PALM: variants seen among roughly 807,000 people sequenced by gnomAD.
PALM encodes the protein paralemmin.
In PALM, 18 loss-of-function variants were observed where a neutral mutation model predicts 30.7. That is an observed-to-expected ratio of 0.59 (90% CI 0.41 to 0.87). The LOEUF (loss-of-function observed/expected upper bound fraction) is 0.87, where lower values mean the gene tolerates loss of function less well. PALM is among the 40% of genes least tolerant of loss of function. The pLI is 0.00. For synonymous variants in PALM, 286 were observed against 242.8 expected (o/e 1.18, Z -1.66); for missense variants, 529 against 555.4 (o/e 0.95, Z 0.48).
chr19:710,011 T>G (rs1213656453), intron 1 of PALM, among the ~76,000 whole-genome samples: 1 of 151,920 alleles, frequency 6.6e-6, no homozygotes, highest in Non-Finnish European at 1.5e-5. Flanking sequence ...TGCCCCTCAC[T>G]CCCACAGGTG....
chr19:728,873 G>A (rs546044481), intron 4 of PALM, among the ~76,000 whole-genome samples: 105 of 152,162 alleles, frequency 6.9e-4, no homozygotes, highest in South Asian at 3.5e-3. Context: ...GCGTGGTGGC[G>A]GGCACCTGTA....
Position 747,575 on chromosome 19 carries a change from C to T in PALM, c.*761C>T, listed in dbSNP as rs1335096025. The T allele has an allele frequency of 1.3e-5, 2 of 152,828 alleles. No homozygotes were observed. The highest frequency in any genetic ancestry group is 4.8e-5 in the African/African-American group (2 of 41,456). 9.5% of individuals were successfully genotyped at this position (152,828 alleles called of 1,614,324 possible). On this transcript the variant is annotated 3_prime_UTR_variant, in exon 9 of 9. Transcript: ENST00000338448. The stretch of plus-strand genomic sequence containing the variant: ...CAGGGCAGGGACCGAGTGAGCCACT[C>T]CTTGTCCCGAGCTCCCGCCCCCACT...
chr19:714,338 C>G (rs1404011738), intron 1 of PALM, among the ~76,000 whole-genome samples: 1 of 149,444 alleles, frequency 6.7e-6, no homozygotes, highest in South Asian at 2.1e-4. Flanking sequence ...CCGCGCCCAG[C>G]CTACGTTCTT....
intron 1 of PALM, among the ~76,000 whole-genome samples, chr19:717,516 C>T (rs1290771027): frequency 5.3e-5 from 8 of 152,168 alleles, no homozygotes; most frequent in Admixed American, 3.3e-4. Context: ...TGTCCCAGTG[C>T]GTGGACGGCC....
intron 1 of PALM, among the ~76,000 whole-genome samples, chr19:722,299 C>G (rs2032516774): frequency 6.6e-6 from 1 of 152,192 alleles, no homozygotes; most frequent in Non-Finnish European, 1.5e-5. Context: ...GACCCAGCCT[C>G]AACCTCCTGG....
intron 8 of PALM, among the ~76,000 whole-genome samples, chr19:743,575 C>T (rs1005927886): frequency 1.2e-4 from 18 of 152,232 alleles, no homozygotes; most frequent in African/African-American, 4.3e-4. Context: ...AAGTGGAGAA[C>T]ACTTTCCTTC....
At chr19:733,473 A>C (rs1398178039) in intron 5 of PALM, among the ~76,000 whole-genome samples, 6 of 152,188 alleles carry the variant, frequency 3.9e-5, no homozygotes, top group Admixed American at 2.0e-4. Context: ...GGCACAGTTC[A>C]GGGAGAGGGG....
At chr19:724,528 G>T (rs187960564) in intron 1 of PALM, among the ~76,000 whole-genome samples, 1 of 151,856 alleles carries the variant, frequency 6.6e-6, no homozygotes, top group Non-Finnish European at 1.5e-5. Context: ...ACCATGTTGG[G>T]CAGGCTGGTC....
In PALM at chr19:727,686, G is replaced by A. The variant is rs754012118; in HGVS notation, c.261G>A (p.Ser87=). The part of the protein sequence containing the change: ...DEQKTRLLED[S]VSRLEKEIEV... ...AGAAGACACGGCTGCTGGAGGACTC[G>A]GTGTCCAGGTGGGGGCTGCAGCGTG... is the stretch of plus-strand genomic sequence containing the variant. Residue 87 remains serine (S), a synonymous_variant, in exon 4 of 9, where the codon TCG becomes TCA. Coordinates refer to ENST00000338448, the MANE Select transcript of PALM (RefSeq NM_002579.3). 94 of 1,557,148 alleles carry A rather than the reference G, an allele frequency of 6.0e-5. No homozygotes were observed. Among genetic ancestry groups the A allele is most frequent in the Non-Finnish European group, 7.3e-5 (84 of 1,150,246 alleles).
chr19:716,983 G>A (rs1303167310), intron 1 of PALM, among the ~76,000 whole-genome samples: 5 of 151,638 alleles, frequency 3.3e-5, no homozygotes, highest in African/African-American at 1.2e-4. Flanking sequence ...AGGCTGGAGT[G>A]CAGTGACGTA....
Position 726,246 on chromosome 19 carries a change from G to A in PALM, c.57+57G>A, listed in dbSNP as rs1372172712. The stretch of plus-strand genomic sequence containing the variant: ...TCAGGGTGGGGAAGTGGGGGGACCT[G>A]GGGTCTCGGGCCCTGGACCTGTCCT... On this transcript the variant is annotated intron_variant, in intron 2 of 8. Transcript: ENST00000338448. The A allele has an allele frequency of 2.1e-5, 31 of 1,458,464 alleles. 1 individual carries two copies. The South Asian group carries it at 3.1e-4, about 14-fold the overall frequency. 90.3% of individuals were successfully genotyped at this position (1,458,464 alleles called of 1,614,324 possible).
intron 1 of PALM, chr19:722,918 C>A (rs946582155): frequency 3.9e-5 from 6 of 152,514 alleles, no homozygotes; most frequent in African/African-American, 4.8e-5. Flanking sequence ...GTAGGTGTCA[C>A]CTGCCAGGAA....
intron 1 of PALM, among the ~76,000 whole-genome samples, chr19:710,997 C>G (rs1004546667): frequency 6.6e-6 from 1 of 152,264 alleles, no homozygotes; most frequent in African/African-American, 2.4e-5. Context: ...CGCTTGCCTC[C>G]TCCCGTTTCC....
chr19:723,100 C>G (rs12610224), intron 1 of PALM, among the ~76,000 whole-genome samples: 14,390 of 151,362 alleles, frequency 0.095, 1,128 homozygotes, highest in South Asian at 0.2. Context: ...AGCCAGTGCA[C>G]TGTGCAGTTT....
chr19:746,370 C>G lies in PALM; in HGVS notation c.720C>G (p.Asp240Glu), dbSNP rs142498012. The change falls in exon 9 of 9, where the codon GAC becomes GAG. Residue 240 changes from aspartate (D) to glutamate (E), a missense_variant. Asp to Glu is a conservative substitution (Grantham distance 45). Transcript: ENST00000338448. This position sits in a 1 kb window ranked among gnomAD's most constrained non-coding sequence, Gnocchi z 7.1. ...SEVDELIHKA[D>E]EVTLSEAGST... ...TGGACGAACTCATCCACAAAGCGGACGAGGTCACGCTGAGCGAGGCAGGGT... is the reference window on the plus strand; with the variant it reads ...TGGACGAACTCATCCACAAAGCGGAGGAGGTCACGCTGAGCGAGGCAGGGT... 3.1e-6 allele frequency: 5 copies of G among 1,613,128 alleles called. No individual in the cohort carries two copies. The highest frequency in any genetic ancestry group is 1.7e-4 in the Middle Eastern group (1 of 6,060).
Position 746,320 on chromosome 19 carries a change from A to T in PALM, c.670A>T (p.Ile224Phe), listed in dbSNP as rs1198642591. ...TGTGGACGGCACCGCCGAGAACGGGATCCACCCCCTGAGCTCCTCCGAGGT... is the reference window on the plus strand; with the variant it reads ...TGTGGACGGCACCGCCGAGAACGGGTTCCACCCCCTGAGCTCCTCCGAGGT... ...HAVDGTAENG[I>F]HPLSSSEVDE... Residue 224 changes from isoleucine (I) to phenylalanine (F), a missense_variant, in exon 9 of 9, where the codon ATC (isoleucine) becomes TTC (phenylalanine). Ile to Phe is a conservative substitution (Grantham distance 21, BLOSUM62 0). Coordinates refer to ENST00000338448, the MANE Select transcript of PALM (RefSeq NM_002579.3). This position sits in a 1 kb window ranked among gnomAD's most constrained non-coding sequence, Gnocchi z 7.1. 1 of 1,613,062 alleles carries T rather than the reference A, an allele frequency of 6.2e-7. No homozygotes were observed. The highest frequency in any genetic ancestry group is 8.5e-7 in the Non-Finnish European group (1 of 1,179,588).
intron 6 of PALM, chr19:734,412 A>T (rs1040605710): frequency 3.0e-5 from 17 of 569,102 alleles, no homozygotes; most frequent in African/African-American, 2.5e-4. Flanking sequence ...AAATGCAAAG[A>T]CAATTAGCCG....
At chr19:728,752 C>T (rs1228463005) in intron 4 of PALM, among the ~76,000 whole-genome samples, 4 of 152,098 alleles carry the variant, frequency 2.6e-5, no homozygotes, top group African/African-American at 7.2e-5. Context: ...GCCTGTAATC[C>T]TGGCACTTTG....
intron 7 of PALM, among the ~76,000 whole-genome samples, chr19:737,661 G>A (rs1368382695): frequency 6.6e-6 from 1 of 152,190 alleles, no homozygotes; most frequent in East Asian, 1.9e-4. Flanking sequence ...TCCAAGGCAC[G>A]CAGCTATCTG....
Sources: gnomAD v4.1 joint callset for allele counts (sites outside exome capture counted in the v4.1 genomes callset) on GRCh38, gnomAD v4.1.1 for gene constraint, Gnocchi (gnomAD v3.1) non-coding constraint, MANE v1.5 for transcripts, NCBI Gene and HGNC (gene_info 2026-07-23, HGNC 2026-07-21) for gene names.